Variants in GPM6B observed in about 807,000 individuals in gnomAD.
GPM6B encodes the protein neuronal membrane glycoprotein M6-b.
Under a neutral mutation model 27.2 loss-of-function variants are expected in GPM6B, and 4 were observed. The observed-to-expected ratio is 0.15, with a 90% CI of 0.07 to 0.34. The LOEUF (loss-of-function observed/expected upper bound fraction) is 0.34. Among genes scored for constraint, GPM6B ranks in the 10% least tolerant of loss-of-function variants. The pLI is 1.00. For missense variants in GPM6B, 183 were observed against 261.9 expected, an observed-to-expected ratio of 0.70 and a Z score of 2.08; for synonymous variants, 124 against 103.1, an observed-to-expected ratio of 1.20 and a Z score of -1.23.
intron 1 of GPM6B, among the ~76,000 whole-genome samples, chrX:13,884,607 T>C (rs1192944854): frequency 8.9e-6 from 1 of 112,364 alleles, no homozygotes; most frequent in Non-Finnish European, 1.9e-5. Flanking sequence ...AACCTAAGGA[T>C]TCTGCAGATT....
At chrX:13,806,179 A>C (rs1466068470) in intron 2 of GPM6B, among the ~76,000 whole-genome samples, 1 of 111,051 alleles carries the variant, frequency 9.0e-6, no homozygotes, top group Non-Finnish European at 1.9e-5. Flanking sequence ...TTGCTCCCCA[A>C]TCCTCCCTTC....
At chrX:13,797,634 G>A (rs1223731290) in intron 2 of GPM6B, among the ~76,000 whole-genome samples, 3 of 111,149 alleles carry the variant, frequency 2.7e-5, no homozygotes, top group Non-Finnish European at 5.7e-5. Flanking sequence ...AGAGAGGGAA[G>A]GTTTGTGAGC....
chrX:13,780,741 C>T (rs1420805833), intron 4 of GPM6B, among the ~76,000 whole-genome samples: 1 of 111,182 alleles, frequency 9.0e-6, no homozygotes, highest in East Asian at 2.8e-4. Flanking sequence ...CTTGGCTTTC[C>T]TCTGCCTTGA....
chrX:13,790,802 G>A (rs1277922485), intron 2 of GPM6B, among the ~76,000 whole-genome samples: 3 of 112,290 alleles, frequency 2.7e-5, no homozygotes, highest in East Asian at 5.5e-4. Flanking sequence ...ATGCTTTAGT[G>A]TCATGCCATA....
intron 1 of GPM6B, among the ~76,000 whole-genome samples, chrX:13,898,272 T>C (rs1206073250): frequency 3.6e-5 from 4 of 112,330 alleles, no homozygotes. Context: ...TAGCATCCTC[T>C]AGTTATAACG....
chrX:13,879,208 T>C (rs909480858), intron 1 of GPM6B, among the ~76,000 whole-genome samples: 1 of 112,152 alleles, frequency 8.9e-6, no homozygotes, highest in Non-Finnish European at 1.9e-5. Flanking sequence ...CAAGTAGATA[T>C]ACCTTTTATG....
chrX:13,779,904 ATGT>A lies in GPM6B; in HGVS notation c.608_610del (p.Asn203del). ...CTTGATGACTTCACAAGTTGACCAT[ATGT>A]TGTAGAACATAAACACGGGCACCGC... On this transcript the variant is annotated inframe_deletion, in exon 5 of 8. Coordinates refer to ENST00000316715, the MANE Select transcript of GPM6B (RefSeq NM_001001995.3). 1 of 1,203,495 alleles carries A rather than the reference ATGT, an allele frequency of 8.3e-7. No homozygotes were observed. The highest frequency in any genetic ancestry group is 1.1e-6 in the Non-Finnish European group (1 of 889,502).
intron 1 of GPM6B, among the ~76,000 whole-genome samples, chrX:13,845,328 GA>G (rs35339109): frequency 0.21 from 23,810 of 110,783 alleles, 1,905 homozygotes; most frequent in East Asian, 0.27. Flanking sequence ...CTGAGCACCT[GA>G]AAGGCTTCCA....
At chrX:13,866,050 T>C (rs2049913671) in intron 1 of GPM6B, among the ~76,000 whole-genome samples, 1 of 111,114 alleles carries the variant, frequency 9.0e-6, no homozygotes, top group African/African-American at 3.3e-5. Context: ...TGGAGGGTTA[T>C]GGTGAGGGGA....
chrX:13,876,833 T>C (rs1164805389), intron 1 of GPM6B, among the ~76,000 whole-genome samples: 1 of 110,767 alleles, frequency 9.0e-6, no homozygotes, highest in Non-Finnish European at 1.9e-5. Flanking sequence ...TCTGGCAACG[T>C]CTGAGGTGAC....
At chrX:13,843,684 CTAA>C (rs2049608766) in intron 1 of GPM6B, among the ~76,000 whole-genome samples, 1 of 112,369 alleles carries the variant, frequency 8.9e-6, no homozygotes, top group African/African-American at 3.2e-5. Flanking sequence ...CATTTCCCAA[CTAA>C]TGATGTTGAA....
chrX:13,834,716 G>C (rs2049477087), intron 1 of GPM6B, among the ~76,000 whole-genome samples: 1 of 111,630 alleles, frequency 9.0e-6, no homozygotes, highest in Non-Finnish European at 1.9e-5. Flanking sequence ...ACTCACAGGG[G>C]AGAACCTTGG....
At chrX:13,801,860 T>C (rs897711809) in intron 2 of GPM6B, among the ~76,000 whole-genome samples, 1 of 111,828 alleles carries the variant, frequency 8.9e-6, no homozygotes, top group Non-Finnish European at 1.9e-5. Context: ...ACAAGCATGA[T>C]GATCTTCAGA....
chrX:13,913,147 T>C (rs1183946283), intron 1 of GPM6B, among the ~76,000 whole-genome samples: 2 of 111,678 alleles, frequency 1.8e-5, no homozygotes, highest in South Asian at 3.8e-4. Flanking sequence ...CCTGTCTGTC[T>C]GTCTGTCTAT....
At chrX:13,855,486 G>C (rs780917839) in intron 1 of GPM6B, among the ~76,000 whole-genome samples, 148 of 112,098 alleles carry the variant, frequency 1.3e-3, no homozygotes, top group African/African-American at 4.4e-3. Context: ...CTGCTATATA[G>C]AAATCCATTC....
At chrX:13,913,272 C>T (rs776121528) in intron 1 of GPM6B, among the ~76,000 whole-genome samples, 142 of 110,376 alleles carry the variant, frequency 1.3e-3, no homozygotes, top group Non-Finnish European at 2.2e-3. Context: ...ACTTTAGCCT[C>T]CTGAGCAGCT....
At chrX:13,899,750 C>A (rs1439076048) in intron 1 of GPM6B, among the ~76,000 whole-genome samples, 1 of 111,244 alleles carries the variant, frequency 9.0e-6, no homozygotes, top group Non-Finnish European at 1.9e-5. Flanking sequence ...GCTGTACGGA[C>A]ATTGAGCAAC....
intron 1 of GPM6B, among the ~76,000 whole-genome samples, chrX:13,865,926 A>G (rs1243517862): frequency 1.8e-5 from 2 of 111,349 alleles, no homozygotes; most frequent in Admixed American, 1.9e-4. Context: ...ATATTAAGTG[A>G]AATAAATAAG....
rs138595458 is a variant in GPM6B at position 13,861,670 on chromosome X, A to C, written c.-197-75862T>G. ...TCAGGATTCAATACTGAACTTAATC[A>C]GATAAGAAAAATCTCTTTTAGGCTC... On this transcript the variant is annotated intron_variant, in intron 1 of 6. Coordinates refer to the GPM6B transcript ENST00000398361. Among the ~76,000 whole-genome samples, 705 of 112,117 alleles carry C rather than the reference A, an allele frequency of 6.3e-3. 4 individuals are homozygous for C. The highest frequency in any genetic ancestry group is 0.021 in the African/African-American group (662 of 30,841).
Sources: gnomAD v4.1 joint callset for allele counts (sites outside exome capture counted in the v4.1 genomes callset) on GRCh38, gnomAD v4.1.1 for gene constraint, MANE v1.5 for transcripts, NCBI Gene and HGNC (gene_info 2026-07-23, HGNC 2026-07-21) for gene names.